The following P2RX5 variants were observed in gnomAD, a reference collection of about 807,000 sequenced individuals.
P2RX5 encodes the protein P2X purinoceptor 5.
Under a neutral mutation model 54.1 loss-of-function variants are expected in P2RX5, and 46 were observed. The observed-to-expected ratio is 0.85, with a 90% CI of 0.67 to 1.09. P2RX5 has a LOEUF of 1.09. P2RX5 is among the 50% of genes least tolerant of loss of function. P2RX5 has a pLI of 0.00. For synonymous variants in P2RX5, 226 were observed against 226.4 expected, an observed-to-expected ratio of 1.00 and a Z score of 0.02; for missense variants, 566 against 549.8, an observed-to-expected ratio of 1.03 and a Z score of -0.29.
At chr17:3,701,565 G>T in the P2RX5 span, among the ~76,000 whole-genome samples, 1 of 151,972 alleles carries the variant, frequency 6.6e-6, no homozygotes, top group African/African-American at 2.4e-5. Context: ...GGTGGCGCAT[G>T]CCTGTAATCC....
At chr17:3,676,519 T>A (rs962552306) in intron 11 of P2RX5, 31 of 985,194 alleles carry the variant, frequency 3.1e-5, no homozygotes, top group Non-Finnish European at 3.7e-5. Flanking sequence ...CAGCTGAGCA[T>A]ACTGCTGCTT....
intron 9 of P2RX5, among the ~76,000 whole-genome samples, chr17:3,683,548 T>C (rs1282884619): frequency 1.3e-5 from 2 of 152,074 alleles, no homozygotes; most frequent in African/African-American, 4.8e-5. Flanking sequence ...CTGGCCAACA[T>C]GGTGAAACCC....
At chr17:3,719,049 T>C in the P2RX5 span, among the ~76,000 whole-genome samples, 1 of 151,556 alleles carries the variant, frequency 6.6e-6, no homozygotes, top group East Asian at 1.9e-4. Flanking sequence ...CTGGCCAACA[T>C]GGTGAAATCC....
chr17:3,700,832 C>T (rs2737111), upstream of P2RX5, among the ~76,000 whole-genome samples: 59,268 of 151,930 alleles, frequency 0.39, 13,774 homozygotes, highest in South Asian at 0.6. Context: ...CCTCTCTCTC[C>T]TGCTGCCTCT....
the P2RX5 span, chr17:3,723,530 A>G: frequency 1.0e-6 from 1 of 993,204 alleles, no homozygotes; most frequent in African/African-American, 1.6e-5. Flanking sequence ...GCGAAGCTCC[A>G]GCGGGAGCAA....
At chr17:3,721,298 GTC>G in the P2RX5 span, among the ~76,000 whole-genome samples, 1 of 107,242 alleles carries the variant, frequency 9.3e-6, no homozygotes, top group Non-Finnish European at 1.7e-5. Flanking sequence ...TTGAGACAAG[GTC>G]TCACTCTGTT....
Position 3,679,682 on chromosome 17 carries a change from C to G in P2RX5, c.1167G>C (p.Gln389His). Residue 389 changes from glutamine (Q) to histidine (H), a missense_variant, in exon 11 of 12, where the codon CAG becomes CAC. Coordinates refer to ENST00000225328, the MANE Select transcript of P2RX5 (RefSeq NM_002561.4). The part of the protein sequence containing the change: ...SGPGLLGMPE[Q>H]QELQEPPEAK... The stretch of plus-strand genomic sequence containing the variant: ...CCTCGGGTGGCTCCTGCAGCTCCTG[C>G]TGCTCCGGCATCCCCAGCAGCCCTG... 1 of 1,611,810 alleles carries G rather than the reference C, an allele frequency of 6.2e-7. No individual in the cohort carries two copies. Among genetic ancestry groups the G allele is most frequent in the Non-Finnish European group, 8.5e-7 (1 of 1,179,822 alleles).
At chr17:3,704,369 G>T in the P2RX5 span, among the ~76,000 whole-genome samples, 77,092 of 151,984 alleles carry the variant, frequency 0.51, 21,496 homozygotes, top group South Asian at 0.69. Flanking sequence ...GAGTGGGCAG[G>T]GGTGGTACGG....
At chr17:3,674,260 G>A (rs2050049980) in intron 11 of P2RX5, among the ~76,000 whole-genome samples, 1 of 151,684 alleles carries the variant, frequency 6.6e-6, no homozygotes, top group Admixed American at 6.6e-5. Flanking sequence ...GCAGTGAGCC[G>A]AGATCGCGCC....
intron 1 of P2RX5, among the ~76,000 whole-genome samples, chr17:3,695,283 G>T (rs2050725648): frequency 6.6e-6 from 1 of 152,210 alleles, no homozygotes; most frequent in Non-Finnish European, 1.5e-5. Flanking sequence ...ATGGGGGAAG[G>T]GGATGGCCGA....
chr17:3,692,269 A>C (rs1236581064), intron 1 of P2RX5, among the ~76,000 whole-genome samples: 2 of 152,030 alleles, frequency 1.3e-5, no homozygotes, highest in Non-Finnish European at 2.9e-5. Flanking sequence ...GTAAGCAGAG[A>C]TCGCACCACT....
chr17:3,706,789 C>T, the P2RX5 span, among the ~76,000 whole-genome samples: 70,199 of 151,704 alleles, frequency 0.46, 17,101 homozygotes, highest in East Asian at 0.65. Context: ...TTTTTGTATT[C>T]TTAGTGGAGA....
chr17:3,703,898 C>T, the P2RX5 span, among the ~76,000 whole-genome samples: 7 of 152,080 alleles, frequency 4.6e-5, no homozygotes, highest in East Asian at 5.8e-4. Context: ...GTCAGGAGTT[C>T]GAGACCAGCC....
the P2RX5 span, chr17:3,723,670 CG>C: frequency 6.3e-7 from 1 of 1,575,052 alleles, no homozygotes; most frequent in African/African-American, 1.3e-5. Flanking sequence ...CCTGGCCTCT[CG>C]GGACGGCCGC....
At chr17:3,721,263 T>C in the P2RX5 span, among the ~76,000 whole-genome samples, 1 of 65,168 alleles carries the variant, frequency 1.5e-5, no homozygotes, top group African/African-American at 1.0e-4. Context: ...ATTTTTCCTT[T>C]TTTTTTTTTT....
chr17:3,690,555 G>A (rs539956042), intron 4 of P2RX5, 32 bp from the exon 5 acceptor site: 2 of 1,611,408 alleles, frequency 1.2e-6, no homozygotes, highest in African/African-American at 1.3e-5. Flanking sequence ...AATGCCAGGA[G>A]CCTCCCACTC....
the P2RX5 span, among the ~76,000 whole-genome samples, chr17:3,722,970 C>T: frequency 6.6e-6 from 1 of 152,134 alleles, no homozygotes; most frequent in African/African-American, 2.4e-5. Context: ...TGAATTACAA[C>T]GGCAGTGGAA....
chr17:3,712,390 C>G, the P2RX5 span, among the ~76,000 whole-genome samples: 3 of 152,160 alleles, frequency 2.0e-5, no homozygotes, highest in Admixed American at 2.0e-4. Flanking sequence ...ATGGGCTGCT[C>G]CAACCAAGCC....
At chr17:3,674,774 C>A (rs1408355471) in intron 11 of P2RX5, among the ~76,000 whole-genome samples, 1 of 152,208 alleles carries the variant, frequency 6.6e-6, no homozygotes, top group Admixed American at 6.5e-5. Context: ...CTGCTATAAC[C>A]TTTCAGATTT....
Sources: allele counts gnomAD v4.1 joint callset (sites outside exome capture counted in the v4.1 genomes callset), GRCh38; gene constraint gnomAD v4.1.1; transcripts MANE v1.5; gene names NCBI Gene and HGNC (gene_info 2026-07-23, HGNC 2026-07-21).